The following HTR1E variants were observed in gnomAD, a reference collection of about 807,000 sequenced individuals.
HTR1E encodes the protein 5-HT-1E.
A neutral mutation model predicts 3.4 loss-of-function variants in HTR1E; 3 were observed. That is an observed-to-expected ratio of 0.89 (90% confidence interval 0.41 to 2.31). The LOEUF is 2.31. Ranked by LOEUF, HTR1E falls within the 30% of genes most tolerant of loss-of-function variation. The pLI is 0.05. For missense variants in HTR1E, 392 were observed against 467.0 expected, an observed-to-expected ratio of 0.84 and a Z score of 1.48; for synonymous variants, 170 against 182.8, an observed-to-expected ratio of 0.93 and a Z score of 0.56.
intron 1 of HTR1E, among the ~76,000 whole-genome samples, chr6:86,991,267 A>T (rs1371215104): frequency 1.3e-5 from 2 of 152,194 alleles, no homozygotes; most frequent in Non-Finnish European, 2.9e-5. Context: ...CAGAAAGAAG[A>T]CATTAATGCA....
intron 1 of HTR1E, among the ~76,000 whole-genome samples, chr6:86,976,877 C>T (rs1399916497): frequency 6.6e-6 from 1 of 152,118 alleles, no homozygotes; most frequent in Non-Finnish European, 1.5e-5. Context: ...CATTATAGAC[C>T]TAAGTTTGCT....
At chr6:86,944,153 G>A (rs1768583592) in intron 1 of HTR1E, among the ~76,000 whole-genome samples, 1 of 152,222 alleles carries the variant, frequency 6.6e-6, no homozygotes, top group African/African-American at 2.4e-5. Context: ...CTTGGAGCAA[G>A]GGCTAAGATT....
chr6:86,954,435 G>A (rs1003155321), intron 1 of HTR1E, among the ~76,000 whole-genome samples: 2 of 152,186 alleles, frequency 1.3e-5, no homozygotes, highest in Admixed American at 1.3e-4. Flanking sequence ...TCAGACAGCT[G>A]AATAGTATCT....
At chr6:86,986,902 C>G (rs1767796979) in intron 1 of HTR1E, among the ~76,000 whole-genome samples, 1 of 151,968 alleles carries the variant, frequency 6.6e-6, no homozygotes, top group African/African-American at 2.4e-5. Flanking sequence ...AGCAAAGTCC[C>G]CTTGGCCTCT....
intron 1 of HTR1E, chr6:86,971,014 C>G (rs1022030868): frequency 2.1e-6 from 1 of 467,204 alleles, no homozygotes; most frequent in Non-Finnish European, 4.2e-6. Flanking sequence ...CTTGGAGGAT[C>G]TGATTCATGA....
intron 1 of HTR1E, among the ~76,000 whole-genome samples, chr6:87,000,970 G>A (rs1228339126): frequency 6.6e-6 from 1 of 152,154 alleles, no homozygotes; most frequent in Non-Finnish European, 1.5e-5. Context: ...GCTATGAATA[G>A]AAACAACAAA....
At chr6:86,999,110 C>A (rs754849674) in intron 1 of HTR1E, among the ~76,000 whole-genome samples, 43 of 152,162 alleles carry the variant, frequency 2.8e-4, no homozygotes, top group Non-Finnish European at 2.1e-4. Context: ...CAGGAACAGG[C>A]AACAACGCCA....
intron 1 of HTR1E, among the ~76,000 whole-genome samples, chr6:86,951,914 A>G (rs1340613061): frequency 6.6e-6 from 1 of 152,190 alleles, no homozygotes; most frequent in Non-Finnish European, 1.5e-5. Flanking sequence ...AGCTAGATGC[A>G]GCCAGGCCTT....
intron 1 of HTR1E, among the ~76,000 whole-genome samples, chr6:87,010,354 C>T (rs1344413515): frequency 2.7e-5 from 3 of 112,826 alleles, no homozygotes; most frequent in South Asian, 3.2e-4. Context: ...GGCGGCTGGC[C>T]GGGCGGGGGG....
intron 1 of HTR1E, among the ~76,000 whole-genome samples, chr6:86,954,109 G>C (rs1767289042): frequency 6.6e-6 from 1 of 152,162 alleles, no homozygotes. Context: ...TTGATGGCAG[G>C]AGCTGTAGTA....
chr6:86,971,801 A>T (rs1767561325), intron 1 of HTR1E, among the ~76,000 whole-genome samples: 1 of 152,178 alleles, frequency 6.6e-6, no homozygotes, highest in Admixed American at 6.5e-5. Context: ...TCCATCGCCC[A>T]AGTAGCGAAC....
At chr6:86,942,605 T>TA (rs922600849) in intron 1 of HTR1E, among the ~76,000 whole-genome samples, 2 of 152,220 alleles carry the variant, frequency 1.3e-5, no homozygotes, top group East Asian at 1.9e-4. Context: ...CACAATGCTC[T>TA]AAAAAATCAA....
intron 1 of HTR1E, among the ~76,000 whole-genome samples, chr6:86,965,154 T>A (rs1486343173): frequency 2.6e-5 from 4 of 152,178 alleles, no homozygotes; most frequent in South Asian, 2.1e-4. Context: ...CCTCCTTCAC[T>A]GAAGCCACCT....
rs778790497 is a variant in HTR1E, at chr6:87,015,941, T to C, written c.607T>C (p.Tyr203His). ...CTTGACTTTGATACTGATTCTCTAT[T>C]ACCGGATTTACCACGCGGCCAAGAG... The part of the protein sequence containing the change: ...IPLTLILILY[Y>H]RIYHAAKSLY... The change falls in exon 2 of 2, where the codon TAC becomes CAC. Residue 203 changes from tyrosine to histidine, a missense_variant. Physicochemically the swap from Tyr to His is moderately conservative, Grantham distance 83 (BLOSUM62 2). This residue lies in a region of HTR1E where 178 missense variants were observed against 164.9 expected (regional missense o/e 1.08). Transcript: ENST00000305344. 6.2e-7 allele frequency: 1 copy of C among 1,614,166 alleles called. No homozygotes were observed. The highest frequency in any genetic ancestry group is 1.1e-5 in the South Asian group (1 of 91,084).
intron 1 of HTR1E, among the ~76,000 whole-genome samples, chr6:86,974,088 C>T (rs1446529473): frequency 6.6e-5 from 10 of 152,132 alleles, no homozygotes; most frequent in Non-Finnish European, 1.3e-4. Context: ...AGTAATTTTC[C>T]CTCCTTTGAT....
chr6:87,004,849 T>C (rs1391580668), intron 1 of HTR1E, among the ~76,000 whole-genome samples: 3 of 152,096 alleles, frequency 2.0e-5, no homozygotes, highest in Non-Finnish European at 4.4e-5. Context: ...ACCTGAATAC[T>C]GCACCAAAAA....
chr6:86,989,865 T>C (rs557687356), intron 1 of HTR1E, among the ~76,000 whole-genome samples: 4 of 152,184 alleles, frequency 2.6e-5, no homozygotes, highest in Admixed American at 6.5e-5. Flanking sequence ...TTATACAACA[T>C]ACTATCTCTT....
At chr6:86,966,812 T>C (rs542224620) in intron 1 of HTR1E, among the ~76,000 whole-genome samples, 1 of 152,288 alleles carries the variant, frequency 6.6e-6, no homozygotes, top group African/African-American at 2.4e-5. Flanking sequence ...CAAATGTGCG[T>C]TTTCATTACA....
At chr6:86,947,975 C>T (rs1767150304) in intron 1 of HTR1E, among the ~76,000 whole-genome samples, 1 of 152,080 alleles carries the variant, frequency 6.6e-6, no homozygotes, top group South Asian at 2.1e-4. Flanking sequence ...ATCAACCTGT[C>T]ATCTAGGTTT....
Sources: gnomAD v4.1 joint callset for allele counts (sites outside exome capture counted in the v4.1 genomes callset) on GRCh38, gnomAD v4.1.1 for gene constraint, gnomAD v4.1.1 regional missense constraint, MANE v1.5 for transcripts, NCBI Gene and HGNC (gene_info 2026-07-23, HGNC 2026-07-21) for gene names.